THSD7B: variants seen among roughly 807,000 people sequenced by gnomAD.
THSD7B encodes thrombospondin type 1 domain containing 7B, also known as thrombospondin type-1 domain-containing protein 7B.
A neutral mutation model predicts 213.6 loss-of-function variants in THSD7B; 138 were observed. That is an observed-to-expected ratio of 0.65 (90% CI 0.56 to 0.74). The LOEUF (loss-of-function observed/expected upper bound fraction) is 0.74, where lower values mean the gene tolerates loss of function less well. Ranked by LOEUF, THSD7B falls within the 30% of genes least tolerant of loss-of-function variation. The pLI is 0.00. For missense variants in THSD7B, 1,931 were observed against 1,991.5 expected (o/e 0.97, Z 0.58); for synonymous variants, 742 against 687.0 (o/e 1.08, Z -1.25).
chr2:137,205,561 C>T (rs1273771370), intron 7 of THSD7B, among the ~76,000 whole-genome samples: 6 of 151,906 alleles, frequency 3.9e-5, no homozygotes, highest in African/African-American at 7.2e-5. Context: ...TTTTCTGTTT[C>T]GTATCACTAT....
chr2:137,008,309 G>A (rs982294417), intron 2 of THSD7B, among the ~76,000 whole-genome samples: 1 of 152,004 alleles, frequency 6.6e-6, no homozygotes, highest in Admixed American at 6.6e-5. Flanking sequence ...TGAACATGTG[G>A]CAACAAATTG....
At chr2:137,086,279 A>G (rs1031262894) in intron 3 of THSD7B, among the ~76,000 whole-genome samples, 14 of 151,988 alleles carry the variant, frequency 9.2e-5, no homozygotes, top group Non-Finnish European at 1.2e-4. Context: ...AGAAGTTGCA[A>G]TGAGCCAAGA....
intron 7 of THSD7B, among the ~76,000 whole-genome samples, chr2:137,182,392 C>T (rs890246229): frequency 1.3e-5 from 2 of 151,416 alleles, no homozygotes; most frequent in African/African-American, 4.9e-5. Context: ...TGACAACTTA[C>T]AGAATTATTT....
At chr2:137,436,773 A>G (rs997620747) in intron 14 of THSD7B, among the ~76,000 whole-genome samples, 3 of 152,188 alleles carry the variant, frequency 2.0e-5, no homozygotes, top group South Asian at 2.1e-4. Flanking sequence ...CAAAATGTTA[A>G]TAGTTGGTAG....
At chr2:137,446,627 C>G (rs1687546702) in intron 14 of THSD7B, among the ~76,000 whole-genome samples, 1 of 151,966 alleles carries the variant, frequency 6.6e-6, no homozygotes, top group Non-Finnish European at 1.5e-5. Context: ...CTACTTCACC[C>G]CTAATTCTAT....
chr2:137,256,189 A>C (rs1682305582), intron 10 of THSD7B, among the ~76,000 whole-genome samples: 1 of 152,224 alleles, frequency 6.6e-6, no homozygotes, highest in African/African-American at 2.4e-5. Context: ...AATGAATAAT[A>C]ATGGATGAGT....
chr2:136,945,400 A>G (rs1684919452), intron 2 of THSD7B, among the ~76,000 whole-genome samples: 2 of 152,114 alleles, frequency 1.3e-5, no homozygotes, highest in South Asian at 2.1e-4. Context: ...GCTGCCCTTA[A>G]CATTTTTTCC....
At chr2:137,633,720 G>A (rs1682783390) in intron 20 of THSD7B, among the ~76,000 whole-genome samples, 1 of 152,172 alleles carries the variant, frequency 6.6e-6, no homozygotes, top group South Asian at 2.1e-4. Flanking sequence ...GACTCAGAGA[G>A]TAGGGGGAGG....
At chr2:137,231,544 AC>A (rs1390143230) in intron 8 of THSD7B, among the ~76,000 whole-genome samples, 1 of 151,968 alleles carries the variant, frequency 6.6e-6, no homozygotes, top group Admixed American at 6.6e-5. Flanking sequence ...GTTGATACAC[AC>A]CCAAACCAAA....
intron 3 of THSD7B, among the ~76,000 whole-genome samples, chr2:137,077,563 T>A (rs960416662): frequency 2.0e-5 from 3 of 152,150 alleles, no homozygotes; most frequent in African/African-American, 7.2e-5. Context: ...GATTTGCATT[T>A]CTCTGATGGC....
intron 12 of THSD7B, among the ~76,000 whole-genome samples, chr2:137,374,249 C>T (rs1469206273): frequency 6.6e-6 from 1 of 152,096 alleles, no homozygotes; most frequent in Non-Finnish European, 1.5e-5. Flanking sequence ...CCTTTCTTTC[C>T]ATTTAACTCC....
intron 7 of THSD7B, among the ~76,000 whole-genome samples, chr2:137,219,572 T>C (rs1681322016): frequency 6.6e-6 from 1 of 152,082 alleles, no homozygotes; most frequent in African/African-American, 2.4e-5. Flanking sequence ...AGCTGAAAAA[T>C]GTGTTAGAGT....
rs577738805 is a variant in THSD7B at position 137,426,787 on chromosome 2, C to T, written c.2959+14915C>T. On this transcript the variant is annotated intron_variant, in intron 14 of 27. Coordinates refer to ENST00000409968, the MANE Select transcript of THSD7B (RefSeq NM_001316349.2). ...ACGCCAAAAATACCAGCAACAAAAA[C>T]AAAAATAAGTGACCACATAAACTAA... Among the ~76,000 whole-genome samples the T allele has an allele frequency of 3.9e-5, 6 of 151,986 alleles. No homozygotes were observed. In the East Asian group the frequency reaches 1.2e-3, roughly 29 times the overall value.
intron 2 of THSD7B, among the ~76,000 whole-genome samples, chr2:136,935,886 T>G (rs575789149): frequency 6.7e-6 from 1 of 148,208 alleles, no homozygotes; most frequent in South Asian, 2.1e-4. Context: ...ATTATATAAT[T>G]ACATATAATA....
At chr2:137,515,678 A>G (rs188079084) in intron 15 of THSD7B, among the ~76,000 whole-genome samples, 2 of 152,310 alleles carry the variant, frequency 1.3e-5, no homozygotes, top group East Asian at 1.9e-4. Flanking sequence ...GGGATTCTGC[A>G]TTTTATGTTG....
intron 1 of THSD7B, among the ~76,000 whole-genome samples, chr2:136,807,611 A>G (rs1235298634): frequency 2.8e-5 from 4 of 142,448 alleles, no homozygotes; most frequent in Admixed American, 2.2e-4. Context: ...GGTTCACGCC[A>G]TTCTCCTGCC....
intron 12 of THSD7B, among the ~76,000 whole-genome samples, chr2:137,388,918 T>A (rs1219158710): frequency 1.3e-5 from 2 of 152,032 alleles, no homozygotes; most frequent in African/African-American, 2.4e-5. Context: ...CATTATTCAT[T>A]GATGTACTTA....
chr2:137,120,411 G>A (rs894678518), intron 5 of THSD7B, among the ~76,000 whole-genome samples: 5 of 150,998 alleles, frequency 3.3e-5, no homozygotes, highest in African/African-American at 9.7e-5. Context: ...AGAAGGAAGA[G>A]GAACGGAAGT....
chr2:136,800,690 C>T (rs776807724), intron 1 of THSD7B, among the ~76,000 whole-genome samples: 12 of 141,692 alleles, frequency 8.5e-5, no homozygotes, highest in South Asian at 2.2e-4. Context: ...TATGGGCTTC[C>T]GTAATTTTTT....
Sources: allele counts gnomAD v4.1 joint callset (sites outside exome capture counted in the v4.1 genomes callset), GRCh38; gene constraint gnomAD v4.1.1; transcripts MANE v1.5; gene names NCBI Gene and HGNC (gene_info 2026-07-23, HGNC 2026-07-21).